The following ASH2L variants were observed in gnomAD, a reference collection of about 807,000 sequenced individuals.
ASH2L encodes ASH2 like, histone lysine methyltransferase complex subunit.
In ASH2L, 30 loss-of-function variants were observed where a neutral mutation model predicts 81.1. The observed-to-expected ratio is 0.37, with a 90% CI of 0.28 to 0.50. ASH2L has a LOEUF of 0.50. ASH2L is among the 20% of genes least tolerant of loss of function. The pLI, the probability that ASH2L is intolerant of heterozygous loss-of-function variation, is 0.95. For missense variants in ASH2L, 559 were observed against 792.1 expected, an observed-to-expected ratio of 0.71 and a Z score of 3.53; for synonymous variants, 273 against 279.9, an observed-to-expected ratio of 0.98 and a Z score of 0.24.
At chr8:38,119,541 C>G (rs775022582) in intron 9 of ASH2L, among the ~76,000 whole-genome samples, 178 bp downstream of exon 9, 1 of 152,178 alleles carries the variant, frequency 6.6e-6, no homozygotes, top group Admixed American at 6.5e-5. Flanking sequence ...CGCAGTGGCT[C>G]ATGCGTGTAA....
At chr8:38,133,043 C>T (rs1424703720) in intron 12 of ASH2L, among the ~76,000 whole-genome samples, 1 of 151,260 alleles carries the variant, frequency 6.6e-6, no homozygotes, top group East Asian at 1.9e-4. Context: ...GAAGAGATCA[C>T]ACCATTGCAC....
chr8:38,135,014 G>A (rs563692134), intron 13 of ASH2L, among the ~76,000 whole-genome samples: 2 of 151,908 alleles, frequency 1.3e-5, no homozygotes, highest in Admixed American at 6.6e-5. Context: ...GCTTAAACAG[G>A]TGTGGTCCCA....
At chr8:38,129,693 A>G (rs989703551) in intron 12 of ASH2L, among the ~76,000 whole-genome samples, 2 of 152,032 alleles carry the variant, frequency 1.3e-5, no homozygotes, top group African/African-American at 4.8e-5. Context: ...TTTCTTTCCC[A>G]CCATACTTTA....
At chr8:38,136,692 T>G (rs955588761) in intron 14 of ASH2L, among the ~76,000 whole-genome samples, 1 of 151,552 alleles carries the variant, frequency 6.6e-6, no homozygotes, top group African/African-American at 2.4e-5. Flanking sequence ...GGAGAATCAC[T>G]TGAACCCAGG....
intron 14 of ASH2L, among the ~76,000 whole-genome samples, chr8:38,137,312 C>T (rs373165969): frequency 5.3e-4 from 78 of 147,012 alleles, no homozygotes; most frequent in African/African-American, 1.7e-3. Flanking sequence ...TTTGGGAGGC[C>T]GAGGCGGGCC....
chr8:38,138,643 T>C (rs1015382491), intron 14 of ASH2L, 173 bp from the exon 15 acceptor site: 1 of 563,436 alleles, frequency 1.8e-6, no homozygotes, highest in Non-Finnish European at 3.1e-6. Flanking sequence ...TAATTCTTGA[T>C]GGACATCAGG....
intron 12 of ASH2L, among the ~76,000 whole-genome samples, chr8:38,129,604 T>TA (rs1801976369): frequency 6.6e-6 from 1 of 152,156 alleles, no homozygotes; most frequent in Non-Finnish European, 1.5e-5. Context: ...TGTGGACACT[T>TA]ACCATCACCT....
intron 8 of ASH2L, 40 bp downstream of exon 8, chr8:38,116,765 C>G: frequency 6.5e-7 from 1 of 1,538,740 alleles, no homozygotes; most frequent in African/African-American, 1.4e-5. Context: ...TATTTGGAAG[C>G]TATTGAATCC....
At position 38,133,559 on chromosome 8, in the gene ASH2L, C is replaced by T. The variant is rs1359099769; in HGVS notation, c.1620+13C>T. Reference sequence around the variant, plus strand: ...TCCCCATAGTGAGGTGAGTCATGGCCATAAGAACATTAGAATCATAAGGCC... The same window carrying T: ...TCCCCATAGTGAGGTGAGTCATGGCTATAAGAACATTAGAATCATAAGGCC... On this transcript the variant is annotated intron_variant, in intron 13 of 15. Transcript: ENST00000343823. 3 of 1,576,128 alleles carry T rather than the reference C, an allele frequency of 1.9e-6. No homozygotes were observed. Among genetic ancestry groups the T allele is most frequent in the East Asian group, 4.5e-5 (2 of 44,704 alleles).
At chr8:38,128,557 G>T (rs2130555126) in intron 11 of ASH2L, 99 bp downstream of exon 11, 1 of 1,507,364 alleles carries the variant, frequency 6.6e-7, no homozygotes, top group South Asian at 1.3e-5. Context: ...ACCAGATTGT[G>T]GGCATAGAAT....
chr8:38,110,940 CAG>C, intron 5 of ASH2L, 107 bp downstream of exon 5: 1 of 864,380 alleles, frequency 1.2e-6, no homozygotes, highest in Non-Finnish European at 1.9e-6. Flanking sequence ...GAATATATGA[CAG>C]TGGATTCAGT....
At chr8:38,133,900 A>G (rs946617052) in intron 13 of ASH2L, among the ~76,000 whole-genome samples, 7 of 152,190 alleles carry the variant, frequency 4.6e-5, no homozygotes, top group Admixed American at 6.5e-5. Flanking sequence ...AGGTGGGGAA[A>G]AGATAGAGAA....
At chr8:38,107,868 A>ATGTGTGTGTG (rs10542885) in intron 3 of ASH2L, among the ~76,000 whole-genome samples, 108 of 141,504 alleles carry the variant, frequency 7.6e-4, no homozygotes, top group Middle Eastern at 3.6e-3. Context: ...AAATACATAT[A>ATGTGTGTGTG]TGTGTGTGTG....
At chr8:38,121,338 TATATATATATATATATATATATATATATA>T (rs1811139321) in intron 10 of ASH2L, among the ~76,000 whole-genome samples, 189 bp downstream of exon 10, 2 of 112,908 alleles carry the variant, frequency 1.8e-5, no homozygotes, top group African/African-American at 3.4e-5. Context: ...TTTATTTATA[TATATATATATATATATATATATATATATA>T]TATATATATA....
intron 12 of ASH2L, among the ~76,000 whole-genome samples, chr8:38,129,956 T>C (rs1367305585): frequency 6.6e-6 from 1 of 152,196 alleles, no homozygotes; most frequent in Non-Finnish European, 1.5e-5. Flanking sequence ...GATCATTGGA[T>C]AGTTACATAT....
intron 13 of ASH2L, 45 bp downstream of exon 13, chr8:38,133,591 G>C: frequency 7.2e-7 from 1 of 1,393,060 alleles, no homozygotes; most frequent in Non-Finnish European, 9.9e-7. Context: ...GGCCTTGAGC[G>C]TTAGGACCCA....
chr8:38,131,584 T>C (rs1326279955), intron 12 of ASH2L, among the ~76,000 whole-genome samples: 1 of 152,168 alleles, frequency 6.6e-6, no homozygotes, highest in Non-Finnish European at 1.5e-5. Flanking sequence ...GGGCAGAGGT[T>C]GCAGTGAGCC....
At chr8:38,124,051 G>C (rs918226111) in intron 10 of ASH2L, 3 of 151,894 alleles carry the variant, frequency 2.0e-5, no homozygotes, top group Admixed American at 1.3e-4. Context: ...ATGTTGGCCG[G>C]GCTGGTCTCA....
At chr8:38,110,553 G>A (rs1810640480) in intron 4 of ASH2L, 86 bp downstream of exon 4, 1 of 1,346,758 alleles carries the variant, frequency 7.4e-7, no homozygotes, top group Admixed American at 1.8e-5. Context: ...GGAGACCTTT[G>A]CCTAGTAGCT....
Sources: gnomAD v4.1 joint callset for allele counts (sites outside exome capture counted in the v4.1 genomes callset) on GRCh38, gnomAD v4.1.1 for gene constraint, MANE v1.5 for transcripts, NCBI Gene and HGNC (gene_info 2026-07-23, HGNC 2026-07-21) for gene names.